SYT2: variants seen among roughly 807,000 people sequenced by gnomAD.
SYT2 encodes synaptotagmin-2.
In SYT2, 15 loss-of-function variants were observed where a neutral mutation model predicts 39.9. The observed-to-expected ratio is 0.38, with a 90% CI of 0.25 to 0.58. The LOEUF (loss-of-function observed/expected upper bound fraction) is 0.58, where lower values mean the gene tolerates loss of function less well. SYT2 is among the 20% of genes least tolerant of loss of function. The pLI, the probability that SYT2 is intolerant of heterozygous loss-of-function variation, is 0.70. For synonymous variants in SYT2, 181 were observed against 204.5 expected (o/e 0.89, Z 0.98); for missense variants, 389 against 530.3 (o/e 0.73, Z 2.62).
At chr1:202,609,393 T>C (rs185549582) in intron 1 of SYT2, among the ~76,000 whole-genome samples, 46 of 152,336 alleles carry the variant, frequency 3.0e-4, no homozygotes, top group Admixed American at 1.2e-3. Flanking sequence ...TTATAATCCT[T>C]TGGGTATATA....
intron 1 of SYT2, among the ~76,000 whole-genome samples, chr1:202,698,550 A>T (rs571700747): frequency 2.0e-5 from 3 of 152,328 alleles, no homozygotes; most frequent in African/African-American, 7.2e-5. Context: ...CTGTGAAAAG[A>T]GCAGTCATCC....
At chr1:202,672,300 C>T (rs1692605413) in intron 1 of SYT2, among the ~76,000 whole-genome samples, 1 of 152,108 alleles carries the variant, frequency 6.6e-6, no homozygotes, top group South Asian at 2.1e-4. Context: ...GAAGTGGGAC[C>T]TTTGGGAGAG....
At chr1:202,617,971 T>C (rs533536935) in intron 1 of SYT2, among the ~76,000 whole-genome samples, 5 of 152,132 alleles carry the variant, frequency 3.3e-5, no homozygotes, top group Non-Finnish European at 7.4e-5. Flanking sequence ...GGCACGATCT[T>C]GGCTCACTGC....
At chr1:202,703,105 AAAAG>A (rs1654160545) in intron 1 of SYT2, among the ~76,000 whole-genome samples, 1 of 152,242 alleles carries the variant, frequency 6.6e-6, no homozygotes. Context: ...AATGGTGAGG[AAAAG>A]AGATTTCTCT....
Position 202,621,281 on chromosome 1 carries a change from G to A in SYT2, c.-17-15492C>T, listed in dbSNP as rs191362727. On this transcript the variant is annotated intron_variant, in intron 1 of 8. Transcript: ENST00000367268. ...GCAAAGGAGAAAACAAATGAGGGGG[G>A]TTTGTGTGTTTTTAAATTTATTTTA... 4.1e-3 allele frequency among the ~76,000 whole-genome samples: 631 copies of A among 152,188 alleles called. 6 individuals are homozygous for A. Among genetic ancestry groups the A allele is most frequent in the African/African-American group, 0.014 (597 of 41,518 alleles).
In SYT2 at chr1:202,628,059, G is replaced by T. The variant is rs1380578906; in HGVS notation, c.-17-22270C>A. ...CACACTGGGAAGGTGGGTCTAACGGGAAGATCACAAAGGCACCGGGCTCAG... is the reference window on the plus strand; with the variant it reads ...CACACTGGGAAGGTGGGTCTAACGGTAAGATCACAAAGGCACCGGGCTCAG... On this transcript the variant is annotated intron_variant, in intron 1 of 8. Transcript: ENST00000367268. This position sits in a 1 kb window ranked among gnomAD's most constrained non-coding sequence, Gnocchi z 4.2. Among the ~76,000 whole-genome samples, 4 of 152,156 alleles carry T rather than the reference G, an allele frequency of 2.6e-5. No homozygotes were observed. Among genetic ancestry groups the T allele is most frequent in the East Asian group, 1.9e-4 (1 of 5,174 alleles).
chr1:202,706,248 C>G (rs148619760), intron 1 of SYT2, among the ~76,000 whole-genome samples: 2 of 152,020 alleles, frequency 1.3e-5, no homozygotes. Context: ...AAACCGTCTT[C>G]GAGTGAGGGG....
intron 8 of SYT2, among the ~76,000 whole-genome samples, chr1:202,598,580 T>C (rs2149065351): frequency 6.9e-6 from 1 of 144,428 alleles, no homozygotes; most frequent in African/African-American, 2.6e-5. Context: ...CAAGACTCCA[T>C]GATAACCGAC....
At chr1:202,624,104 C>A (rs1342344556) in intron 1 of SYT2, among the ~76,000 whole-genome samples, 1 of 152,010 alleles carries the variant, frequency 6.6e-6, no homozygotes, top group Non-Finnish European at 1.5e-5. Flanking sequence ...AAGCAAAAGC[C>A]TTTTAATAGG....
intron 1 of SYT2, among the ~76,000 whole-genome samples, chr1:202,645,723 G>A (rs1460308611): frequency 6.6e-6 from 1 of 152,196 alleles, no homozygotes; most frequent in Non-Finnish European, 1.5e-5. Flanking sequence ...CCTCCAATGT[G>A]CCCTTTCCCC....
chr1:202,700,043 A>C (rs1654073471), intron 1 of SYT2, among the ~76,000 whole-genome samples: 1 of 152,144 alleles, frequency 6.6e-6, no homozygotes, highest in Admixed American at 6.5e-5. Flanking sequence ...AGGCAGATAA[A>C]CGCAGGGTTG....
chr1:202,609,024 A>C (rs1090611), intron 1 of SYT2, among the ~76,000 whole-genome samples: 86,250 of 91,298 alleles, frequency 0.94, 40,832 homozygotes, highest in East Asian at 1. Flanking sequence ...CTAACCCTCC[A>C]CCCTCCCCCC....
intron 1 of SYT2, chr1:202,627,476 G>C: frequency 1.0e-6 from 1 of 985,404 alleles, no homozygotes; most frequent in Non-Finnish European, 1.2e-6. Flanking sequence ...AGGTCAGACC[G>C]TGACACCCAG....
chr1:202,607,194 A>G (rs895139354), intron 1 of SYT2, among the ~76,000 whole-genome samples: 5 of 152,144 alleles, frequency 3.3e-5, no homozygotes, highest in Non-Finnish European at 7.3e-5. Context: ...TGAAAGTCCC[A>G]TGAGGGCAGA....
At chr1:202,651,157 G>A (rs1011462448) in intron 1 of SYT2, among the ~76,000 whole-genome samples, 1 of 152,142 alleles carries the variant, frequency 6.6e-6, no homozygotes, top group Non-Finnish European at 1.5e-5. Flanking sequence ...TCAAGGGAAA[G>A]CCAATACCAG....
At chr1:202,629,067 C>T (rs2149089317) in intron 1 of SYT2, among the ~76,000 whole-genome samples, 1 of 152,346 alleles carries the variant, frequency 6.6e-6, no homozygotes, top group Admixed American at 6.5e-5. Flanking sequence ...CTGTCAGAAG[C>T]ACACAGGGAT....
At chr1:202,644,707 A>C (rs900023085) in intron 1 of SYT2, among the ~76,000 whole-genome samples, 8 of 151,850 alleles carry the variant, frequency 5.3e-5, no homozygotes, top group African/African-American at 1.5e-4. Flanking sequence ...CACACACACA[A>C]AAATCCAGTG....
At chr1:202,608,830 C>T (rs554684928) in intron 1 of SYT2, among the ~76,000 whole-genome samples, 91 of 152,276 alleles carry the variant, frequency 6.0e-4, no homozygotes, top group Non-Finnish European at 3.1e-4. Flanking sequence ...AATTTATGTT[C>T]CCACCAGCAA....
chr1:202,676,554 A>T (rs1195946955), intron 1 of SYT2, among the ~76,000 whole-genome samples: 2 of 152,190 alleles, frequency 1.3e-5, no homozygotes, highest in African/African-American at 4.8e-5. Flanking sequence ...TGCATTTCAG[A>T]TCAGACAACC....
Sources: gnomAD v4.1 joint callset for allele counts (sites outside exome capture counted in the v4.1 genomes callset) on GRCh38, gnomAD v4.1.1 for gene constraint, Gnocchi (gnomAD v3.1) non-coding constraint, MANE v1.5 for transcripts, NCBI Gene and HGNC (gene_info 2026-07-23, HGNC 2026-07-21) for gene names.